PTPRK: variants seen among roughly 807,000 people sequenced by gnomAD.
The protein encoded by PTPRK is protein tyrosine phosphatase receptor type K.
Under a neutral mutation model 178.0 loss-of-function variants are expected in PTPRK, and 75 were observed. The ratio of observed to expected loss-of-function variants is 0.42; its 90% CI spans 0.35 to 0.51. The LOEUF (loss-of-function observed/expected upper bound fraction) is 0.51. Ranked by LOEUF, PTPRK falls within the 20% of genes least tolerant of loss-of-function variation. The pLI is 0.02. For synonymous variants in PTPRK, 637 were observed against 620.6 expected, an observed-to-expected ratio of 1.03 and a Z score of -0.39; for missense variants, 1,441 against 1,797.8, an observed-to-expected ratio of 0.80 and a Z score of 3.59.
At position 128,232,857 on chromosome 6, in the gene PTPRK, C is replaced by T. The variant is rs1037261015; in HGVS notation, c.693+7178G>A. Among the ~76,000 whole-genome samples the T allele has an allele frequency of 1.3e-4, 20 of 152,296 alleles. No homozygotes were observed. In the East Asian group the frequency reaches 1.7e-3, roughly 13 times the overall value. On this transcript the variant is annotated intron_variant, in intron 5 of 29. Transcript: ENST00000368226. Reference sequence around the variant, plus strand: ...CTAGAAAATGTCAGAACTTTGACCACGTCCAGACATTAGAGCAACTTTTAT... The same window carrying T: ...CTAGAAAATGTCAGAACTTTGACCATGTCCAGACATTAGAGCAACTTTTAT...
At chr6:128,199,934 A>T (rs1459581566) in intron 6 of PTPRK, among the ~76,000 whole-genome samples, 1 of 150,600 alleles carries the variant, frequency 6.6e-6, no homozygotes, top group African/African-American at 2.4e-5. Flanking sequence ...GCTTCTGCCT[A>T]TGAGATGGAT....
chr6:128,485,455 C>A (rs1284312279), intron 1 of PTPRK, among the ~76,000 whole-genome samples: 35 of 152,186 alleles, frequency 2.3e-4, no homozygotes, highest in Non-Finnish European at 1.5e-5. Context: ...ATTGAAAATG[C>A]ATGCACACAC....
chr6:128,366,241 A>G (rs1425912109), intron 2 of PTPRK, among the ~76,000 whole-genome samples: 2 of 152,274 alleles, frequency 1.3e-5, no homozygotes, highest in East Asian at 3.9e-4. Context: ...CTTTTGGAAA[A>G]GAGCAAAATA....
intron 11 of PTPRK, among the ~76,000 whole-genome samples, chr6:128,070,494 C>T (rs1026665124): frequency 6.6e-6 from 1 of 151,962 alleles, no homozygotes; most frequent in African/African-American, 2.4e-5. Context: ...CTTGTTTAAG[C>T]CACCTAGTAT....
intron 7 of PTPRK, among the ~76,000 whole-genome samples, chr6:128,154,229 T>C (rs1361278933): frequency 2.0e-5 from 3 of 151,686 alleles, no homozygotes; most frequent in African/African-American, 4.8e-5. Flanking sequence ...AATTGAGAAT[T>C]TGTATATTGA....
At chr6:128,187,566 C>G (rs558314590) in intron 6 of PTPRK, among the ~76,000 whole-genome samples, 1 of 152,240 alleles carries the variant, frequency 6.6e-6, no homozygotes, top group African/African-American at 2.4e-5. Flanking sequence ...TGCCATATAG[C>G]ATATACATTT....
Position 128,009,208 on chromosome 6 carries a change from A to C in PTPRK, c.2255T>G (p.Val752Gly). ...PDPAKQTDRV[V>G]KIAGISAGIL... ...TCCAGCACTAATTCCTGCTATTTTC[A>C]CCACTCTGTCTGTCTGCTTGGCGGG... The change falls in exon 14 of 30, where the codon GTG becomes GGG. Residue 752 changes from valine (V) to glycine (G), a missense_variant. By Grantham distance (109) the Val-to-Gly change is moderately radical. Around this residue, in one of 4 missense-constraint regions of PTPRK, gnomAD observed 945 missense variants for 1,080.6 expected, o/e 0.87. Transcript: ENST00000368226. 6.2e-7 allele frequency: 1 copy of C among 1,609,008 alleles called. No homozygotes were observed. The highest frequency in any genetic ancestry group is 8.5e-7 in the Non-Finnish European group (1 of 1,176,928).
chr6:128,194,810 G>A (rs1419983506), intron 6 of PTPRK, among the ~76,000 whole-genome samples: 1 of 152,120 alleles, frequency 6.6e-6, no homozygotes, highest in Non-Finnish European at 1.5e-5. Context: ...GTTACTTGTT[G>A]AATATGCCTA....
At chr6:128,277,840 T>G (rs1374009350) in intron 3 of PTPRK, among the ~76,000 whole-genome samples, 4 of 150,552 alleles carry the variant, frequency 2.7e-5, no homozygotes, top group Admixed American at 1.3e-4. Context: ...CTGAGGTACT[T>G]AAAACTGTTT....
chr6:128,481,596 A>T (rs1852089350), intron 1 of PTPRK, among the ~76,000 whole-genome samples: 2 of 152,116 alleles, frequency 1.3e-5, no homozygotes, highest in African/African-American at 4.8e-5. Context: ...CTCCTTTATT[A>T]AGAATCCCTT....
intron 7 of PTPRK, among the ~76,000 whole-genome samples, chr6:128,130,162 G>A (rs958629262): frequency 1.3e-5 from 2 of 152,044 alleles, no homozygotes; most frequent in African/African-American, 4.8e-5. Flanking sequence ...GCCTTGATGT[G>A]GAATGTAATT....
chr6:128,333,883 T>C (rs984708605), intron 2 of PTPRK, among the ~76,000 whole-genome samples: 9 of 152,214 alleles, frequency 5.9e-5, no homozygotes, highest in African/African-American at 2.2e-4. Context: ...TTAATCATTT[T>C]TAGCTTTTGA....
chr6:128,046,275 G>A (rs1465271114), intron 13 of PTPRK, among the ~76,000 whole-genome samples: 2 of 152,120 alleles, frequency 1.3e-5, no homozygotes, highest in African/African-American at 2.4e-5. Flanking sequence ...TTGACAACTT[G>A]TGCATAGATC....
At chr6:128,348,902 G>T (rs915384609) in intron 2 of PTPRK, among the ~76,000 whole-genome samples, 1 of 152,052 alleles carries the variant, frequency 6.6e-6, no homozygotes, top group Non-Finnish European at 1.5e-5. Context: ...CCACAGCATA[G>T]AAATGACTGT....
Position 128,508,246 on chromosome 6 carries a change from G to T in PTPRK, c.100+12013C>A, listed in dbSNP as rs115633330. 7.0e-3 allele frequency among the ~76,000 whole-genome samples: 1,063 copies of T among 152,166 alleles called. 10 individuals carry two copies. Among genetic ancestry groups the T allele is most frequent in the African/African-American group, 0.024 (988 of 41,524 alleles). ...CATTATAAATGCTGCACAGGCACTG[G>T]GACAAGTCACTGCTGGCTTACTTGC... is the stretch of plus-strand genomic sequence containing the variant. On this transcript the variant is annotated intron_variant, in intron 1 of 29. Coordinates refer to ENST00000368226, the MANE Select transcript of PTPRK (RefSeq NM_002844.4).
Position 128,228,708 on chromosome 6 carries a change from A to G in PTPRK, c.694-9612T>C, listed in dbSNP as rs1040166397. 5.3e-5 allele frequency among the ~76,000 whole-genome samples: 8 copies of G among 151,664 alleles called. No individual in the cohort carries two copies. The East Asian group carries it at 1.5e-3, about 29-fold the overall frequency. On this transcript the variant is annotated intron_variant, in intron 5 of 29. Transcript: ENST00000368226. ...ACAACAACAACAAAAAATTTTCTAA[A>G]ATAAAAAAAAAGTTTATAAACTACA...
intron 13 of PTPRK, among the ~76,000 whole-genome samples, chr6:128,052,977 C>A (rs1474099228): frequency 6.6e-6 from 1 of 152,054 alleles, no homozygotes; most frequent in Non-Finnish European, 1.5e-5. Flanking sequence ...TAATAATAAT[C>A]TAGTTTCATG....
intron 1 of PTPRK, among the ~76,000 whole-genome samples, chr6:128,444,003 C>A (rs1398423635): frequency 6.6e-6 from 1 of 152,136 alleles, no homozygotes; most frequent in Non-Finnish European, 1.5e-5. Context: ...CAGGCACGTG[C>A]CACCACACCT....
chr6:128,493,939 C>T (rs1164071788), intron 1 of PTPRK, among the ~76,000 whole-genome samples: 1 of 152,168 alleles, frequency 6.6e-6, no homozygotes, highest in East Asian at 1.9e-4. Flanking sequence ...TCCATTTCTC[C>T]AAACAGACTG....
Sources: gnomAD v4.1 joint callset for allele counts (sites outside exome capture counted in the v4.1 genomes callset) on GRCh38, gnomAD v4.1.1 for gene constraint, gnomAD v4.1.1 regional missense constraint, MANE v1.5 for transcripts, NCBI Gene and HGNC (gene_info 2026-07-23, HGNC 2026-07-21) for gene names.